Variants in SVEP1 observed in about 807,000 individuals in gnomAD.
The protein encoded by SVEP1 is sushi, von Willebrand factor type A, EGF and pentraxin domain containing 1.
Under a neutral mutation model 367.3 loss-of-function variants are expected in SVEP1, and 164 were observed. The ratio of observed to expected loss-of-function variants is 0.45; its 90% confidence interval spans 0.39 to 0.51. The LOEUF is 0.51. Among genes scored for constraint, SVEP1 ranks in the 20% least tolerant of loss-of-function variants. The pLI, the probability that SVEP1 is intolerant of heterozygous loss-of-function variation, is 0.00. For missense variants in SVEP1, 4,117 were observed against 4,425.3 expected (o/e 0.93, Z 1.98); for synonymous variants, 1,666 against 1,611.6 (o/e 1.03, Z -0.81).
At chr9:110,439,260 C>T (rs1318383625) in intron 27 of SVEP1, among the ~76,000 whole-genome samples, 1 of 152,124 alleles carries the variant, frequency 6.6e-6, no homozygotes, top group African/African-American at 2.4e-5. Flanking sequence ...TCTCTCCCTG[C>T]CATGTGAGGA....
chr9:110,557,985 T>C (rs1032272299), intron 1 of SVEP1, among the ~76,000 whole-genome samples: 3 of 152,034 alleles, frequency 2.0e-5, no homozygotes, highest in African/African-American at 7.2e-5. Flanking sequence ...AACTGAGAAA[T>C]TGAATTAGTA....
Position 110,369,986 on chromosome 9 carries a change from C to T in SVEP1, c.10631G>A (p.Gly3544Glu), listed in dbSNP as rs763435390. 1 of 1,613,162 alleles carries T rather than the reference C, an allele frequency of 6.2e-7. No individual in the cohort carries two copies. Reference protein sequence around the residue: ...AVCQSPCLNGGKCVRPNRCHC... With the variant: ...AVCQSPCLNGEKCVRPNRCHC... Reference sequence around the variant, plus strand: ...ACATCGGTTTGGTCTTACACATTTTCCACCATTTAAGCAGGGAGACTGGCA... The same window carrying T: ...ACATCGGTTTGGTCTTACACATTTTTCACCATTTAAGCAGGGAGACTGGCA... Residue 3544 changes from glycine to glutamate, a missense_variant, in exon 47 of 48, where the codon GGA becomes GAA. By Grantham distance (98) the Gly-to-Glu change is moderately conservative (BLOSUM62 -2). Around this residue, in one of 4 missense-constraint regions of SVEP1, gnomAD observed 1,765 missense variants for 1,781.1 expected, o/e 0.99. Transcript: ENST00000374469.
chr9:110,562,650 A>C (rs1830446720), intron 1 of SVEP1, among the ~76,000 whole-genome samples: 1 of 152,162 alleles, frequency 6.6e-6, no homozygotes, highest in Admixed American at 6.6e-5. Context: ...ATTCTTATTA[A>C]ATTCAAGAAC....
intron 8 of SVEP1, among the ~76,000 whole-genome samples, chr9:110,493,233 C>T (rs548279705): frequency 6.6e-6 from 1 of 152,026 alleles, no homozygotes; most frequent in South Asian, 2.1e-4. Context: ...GGTGCTTCTA[C>T]AGGGCCTCCT....
chr9:110,495,198 C>G (rs752786217), intron 8 of SVEP1, among the ~76,000 whole-genome samples: 1 of 152,124 alleles, frequency 6.6e-6, no homozygotes, highest in Non-Finnish European at 1.5e-5. Flanking sequence ...TTCTTTTAAG[C>G]ACATTCAAGT....
intron 3 of SVEP1, among the ~76,000 whole-genome samples, chr9:110,533,380 C>T (rs1830043551): frequency 6.6e-6 from 1 of 152,140 alleles, no homozygotes; most frequent in Admixed American, 6.5e-5. Flanking sequence ...AAACTCATGT[C>T]ATAGAGATGA....
chr9:110,545,033 G>A (rs1432339234), intron 3 of SVEP1, among the ~76,000 whole-genome samples: 1 of 151,920 alleles, frequency 6.6e-6, no homozygotes, highest in Non-Finnish European at 1.5e-5. Context: ...TTGTCTTTCT[G>A]TGCCTGACTT....
Position 110,436,518 on chromosome 9 carries a change from A to C in SVEP1, c.4640-14T>G. On this transcript the variant is annotated splice_polypyrimidine_tract_variant and intron_variant, in intron 27 of 47. Coordinates refer to ENST00000374469, the MANE Select transcript of SVEP1 (RefSeq NM_153366.4). ...ACGCACCACCACCTAAGGAGAGAGA[A>C]AGAGAAAGAAAAGGAGGAAAACTGG... The C allele has an allele frequency of 6.2e-7, 1 of 1,611,410 alleles. No individual in the cohort carries two copies. The highest frequency in any genetic ancestry group is 8.5e-7 in the Non-Finnish European group (1 of 1,178,524).
chr9:110,375,579 CT>C, intron 45 of SVEP1, 116 bp from the exon 46 acceptor site: 1 of 820,838 alleles, frequency 1.2e-6, no homozygotes, highest in Non-Finnish European at 1.9e-6. Context: ...GGAGTGAAAC[CT>C]TATATGACTC....
At chr9:110,550,158 T>C in intron 1 of SVEP1, 54 bp from the exon 2 acceptor site, 2 of 1,598,914 alleles carry the variant, frequency 1.3e-6, no homozygotes, top group Admixed American at 3.4e-5. Flanking sequence ...GCCTACTGTG[T>C]GCTTCTCTTC....
intron 1 of SVEP1, among the ~76,000 whole-genome samples, chr9:110,567,721 T>TG (rs1830508888): frequency 6.6e-6 from 1 of 152,208 alleles, no homozygotes; most frequent in Admixed American, 6.5e-5. Context: ...CACATACCCT[T>TG]GCTTGGCCAA....
At chr9:110,565,868 T>C (rs747902539) in intron 1 of SVEP1, among the ~76,000 whole-genome samples, 1 of 152,032 alleles carries the variant, frequency 6.6e-6, no homozygotes, top group East Asian at 1.9e-4. Context: ...CAACATGACA[T>C]AGAGGTAGTT....
chr9:110,425,976 A>G (rs1828247469), intron 36 of SVEP1, among the ~76,000 whole-genome samples: 1 of 152,208 alleles, frequency 6.6e-6, no homozygotes, highest in Non-Finnish European at 1.5e-5. Flanking sequence ...AGCCCCAGCA[A>G]TAGTCAATAT....
Position 110,550,528 on chromosome 9 carries a change from GTCTA to G in SVEP1, c.532-428_532-425del, listed in dbSNP as rs1564174164. Among the ~76,000 whole-genome samples, 7 of 127,340 alleles carry G rather than the reference GTCTA, an allele frequency of 5.5e-5. No homozygotes were observed. The South Asian group carries it at 1.7e-3, about 31-fold the overall frequency. 83.5% of individuals were successfully genotyped at this position (127,340 alleles called of 152,430 possible). A position where few individuals can be genotyped will look rare whatever the true frequency, so the allele number is the denominator to read the frequency against. On this transcript the variant is annotated intron_variant, in intron 1 of 47. Transcript: ENST00000374469. ...TATCTATCTATCTATCTATCTATCT[GTCTA>G]TCATCTCTATCCAAACCACTGCATG... is the stretch of plus-strand genomic sequence containing the variant.
intron 36 of SVEP1, among the ~76,000 whole-genome samples, chr9:110,426,933 T>C (rs2254168): frequency 0.6 from 90,888 of 152,032 alleles, 27,990 homozygotes; most frequent in African/African-American, 0.75. Flanking sequence ...GTCATCTTTA[T>C]GTTATGACTT....
intron 18 of SVEP1, among the ~76,000 whole-genome samples, chr9:110,465,427 C>T (rs1440503366): frequency 6.6e-6 from 1 of 152,152 alleles, no homozygotes; most frequent in Admixed American, 6.5e-5. Flanking sequence ...AATGTGCTGC[C>T]TGACTGAATA....
At chr9:110,395,873 A>T (rs1237120649) in intron 40 of SVEP1, among the ~76,000 whole-genome samples, 2 of 152,120 alleles carry the variant, frequency 1.3e-5, no homozygotes, top group Non-Finnish European at 2.9e-5. Context: ...GTGACCTACA[A>T]AGAGACTTAG....
Position 110,375,465 on chromosome 9 carries a change from TAAAAAAA to T in SVEP1, c.10505-9_10505-3del, listed in dbSNP as rs71373993. On this transcript the variant is annotated splice_region_variant and splice_polypyrimidine_tract_variant and intron_variant, in intron 45 of 47. Transcript: ENST00000374469. ...TCAGACAGGGAAGAATGCAGATTGC[TAAAAAAA>T]AAAAAAAAAAAAAAAAAAGGAGGCA... 2.0e-3 allele frequency: 1,141 copies of T among 556,886 alleles called. No homozygotes were observed. Among genetic ancestry groups the T allele is most frequent in the Non-Finnish European group, 2.4e-3 (895 of 374,238 alleles). 34.5% of individuals were successfully genotyped at this position (556,886 alleles called of 1,614,324 possible). A position where few individuals can be genotyped will look rare whatever the true frequency, so the allele number is the denominator to read the frequency against.
intron 24 of SVEP1, among the ~76,000 whole-genome samples, chr9:110,447,887 G>C (rs1786612899): frequency 6.6e-6 from 1 of 152,126 alleles, no homozygotes. Context: ...GGAATACTAA[G>C]GAGCAATTGA....
Sources: gnomAD v4.1 joint callset for allele counts (sites outside exome capture counted in the v4.1 genomes callset) on GRCh38, gnomAD v4.1.1 for gene constraint, gnomAD v4.1.1 regional missense constraint, MANE v1.5 for transcripts, NCBI Gene and HGNC (gene_info 2026-07-23, HGNC 2026-07-21) for gene names.